The following TOP3A variants were observed in gnomAD, a reference collection of about 807,000 sequenced individuals.
TOP3A encodes DNA topoisomerase III alpha.
TOP3A carries 64 observed loss-of-function variants against 111.3 expected under a neutral mutation model. The observed-to-expected ratio is 0.57, with a 90% CI of 0.47 to 0.71. The LOEUF is 0.71. TOP3A is among the 30% of genes least tolerant of loss of function. The probability of loss-of-function intolerance (pLI) is 0.00; values close to 1 mark genes in which losing one functional copy is unlikely to be tolerated. For synonymous variants in TOP3A, 484 were observed against 485.1 expected, an observed-to-expected ratio of 1.00 and a Z score of 0.03; for missense variants, 1,104 against 1,285.0, an observed-to-expected ratio of 0.86 and a Z score of 2.15.
At position 18,282,695 on chromosome 17, in the gene TOP3A, C is replaced by A; in HGVS notation, c.2021+3G>T. 1 of 1,613,138 alleles carries A rather than the reference C, an allele frequency of 6.2e-7. No individual in the cohort carries two copies. The highest frequency in any genetic ancestry group is 8.5e-7 in the Non-Finnish European group (1 of 1,179,890). ...AGGTGGGGGCAGAAGGCAGCGCACT[C>A]ACCCGCCATTCTTCTTGGTCTTAAG... is the stretch of plus-strand genomic sequence containing the variant. On this transcript the variant is annotated splice_donor_region_variant and intron_variant, in intron 16 of 18. Transcript: ENST00000321105.
At chr17:18,284,781 GAAAA>G (rs112368282) in intron 15 of TOP3A, among the ~76,000 whole-genome samples, 3 of 145,974 alleles carry the variant, frequency 2.1e-5, no homozygotes, top group African/African-American at 5.0e-5. Flanking sequence ...AATTAAAGCA[GAAAA>G]AAAAAAGATA....
Position 18,299,612 on chromosome 17 carries a change from C to G in TOP3A, c.937G>C (p.Glu313Gln). The change falls in exon 9 of 19, where the codon GAG becomes CAG. Residue 313 changes from glutamate to glutamine, a missense_variant. Coordinates refer to ENST00000321105, the MANE Select transcript of TOP3A (RefSeq NM_004618.5). ...TTGCTCTTGGGCTTAGATCTGACCT[C>G]TACCACAGTTGCCATGGGATCCTAG... ...CVEDPMATVV[E>Q]VRSKPKSKWR... 1 of 1,614,112 alleles carries G rather than the reference C, an allele frequency of 6.2e-7. No individual in the cohort carries two copies. Among genetic ancestry groups the G allele is most frequent in the Non-Finnish European group, 8.5e-7 (1 of 1,179,966 alleles).
At chr17:18,296,101 C>G (rs968034249) in intron 9 of TOP3A, among the ~76,000 whole-genome samples, 12 of 152,154 alleles carry the variant, frequency 7.9e-5, no homozygotes, top group African/African-American at 2.9e-4. Context: ...GTCTAATACA[C>G]TGCTTTAACA....
At chr17:18,303,555 G>A (rs575629004) in intron 5 of TOP3A, among the ~76,000 whole-genome samples, 7 of 152,272 alleles carry the variant, frequency 4.6e-5, no homozygotes, top group East Asian at 1.9e-4. Context: ...GAGACATCAC[G>A]GCGGCAATAC....
chr17:18,305,151 C>T lies in TOP3A; in HGVS notation c.460G>A (p.Glu154Lys), dbSNP rs772020353. The change falls in exon 5 of 19, where the codon GAA (glutamate) becomes AAA (lysine). Residue 154 changes from glutamate (E) to lysine (K), a missense_variant. Coordinates refer to ENST00000321105, the MANE Select transcript of TOP3A (RefSeq NM_004618.5). ...TGGATAATCTCAAACCCGATGTTTT[C>T]GCCTTCTCTATCACAGTCAGTCCAG... The part of the protein sequence containing the change: ...VIWTDCDREG[E>K]NIGFEIIHVC... The T allele has an allele frequency of 2.8e-5, 45 of 1,614,072 alleles. No individual in the cohort carries two copies. Among genetic ancestry groups the T allele is most frequent in the Non-Finnish European group, 3.6e-5 (42 of 1,180,036 alleles).
At chr17:18,275,981 G>A (rs1257698261) in intron 18 of TOP3A, among the ~76,000 whole-genome samples, 1 of 152,156 alleles carries the variant, frequency 6.6e-6, no homozygotes, top group Non-Finnish European at 1.5e-5. Context: ...ATACAGCCAT[G>A]TACACCCCAC....
At chr17:18,300,529 T>C (rs903650997) in intron 8 of TOP3A, among the ~76,000 whole-genome samples, 20 of 152,104 alleles carry the variant, frequency 1.3e-4, no homozygotes, top group Non-Finnish European at 2.9e-5. Flanking sequence ...GGCAGGTCTT[T>C]TTATTACTTA....
intron 1 of TOP3A, among the ~76,000 whole-genome samples, chr17:18,310,449 A>G (rs779734138): frequency 1.3e-5 from 2 of 152,072 alleles, no homozygotes; most frequent in Non-Finnish European, 2.9e-5. Context: ...AAAAGGAATG[A>G]AGAACTGATA....
intron 13 of TOP3A, 49 bp from the exon 14 acceptor site, chr17:18,285,569 A>G: frequency 6.4e-7 from 1 of 1,560,998 alleles, no homozygotes; most frequent in Non-Finnish European, 8.8e-7. Context: ...CAACAGCTCC[A>G]CCCGGGTGGC....
rs546588399 is a variant in TOP3A, at chr17:18,277,859, T to C, written c.2643A>G (p.Leu881=). ...CATCACCAGGGTTGCCAAACCCACC[T>C]AGGTGGATCCCTGGGCCTGGTGGGC... ...LGCPPGPGIH[L]GGFGNPGDGS... is the part of the protein sequence containing the mutation. The change falls in exon 18 of 19, where the codon CTA becomes CTG. Residue 881 remains leucine, a synonymous_variant. Transcript: ENST00000321105. 1 of 1,614,054 alleles carries C rather than the reference T, an allele frequency of 6.2e-7. No individual in the cohort carries two copies. The highest frequency in any genetic ancestry group is 2.2e-5 in the East Asian group (1 of 44,886).
intron 6 of TOP3A, 34 bp downstream of exon 6, chr17:18,302,546 T>G: frequency 6.2e-7 from 1 of 1,607,946 alleles, no homozygotes; most frequent in Non-Finnish European, 8.5e-7. Context: ...ACAACATTAA[T>G]GTGGCCATGG....
At chr17:18,309,420 A>G (rs1981774585) in intron 1 of TOP3A, among the ~76,000 whole-genome samples, 1 of 152,146 alleles carries the variant, frequency 6.6e-6, no homozygotes, top group Non-Finnish European at 1.5e-5. Context: ...AGACAGTTGG[A>G]TCACTTTAGG....
Position 18,278,261 on chromosome 17 carries a change from G to GAT in TOP3A, c.2239_2240dup (p.Leu748SerfsTer4). The GAT allele has an allele frequency of 6.4e-7, 1 of 1,564,196 alleles. No individual in the cohort carries two copies. The highest frequency in any genetic ancestry group is 1.9e-5 in the Admixed American group (1 of 53,776). On this transcript the variant is annotated frameshift_variant, in exon 18 of 19. Coordinates refer to ENST00000321105, the MANE Select transcript of TOP3A (RefSeq NM_004618.5). LOFTEE classifies it high-confidence loss of function. ...GGCCCCCTGAAAATCTCAGGTCCAG[G>GAT]ATCTCCCTCAGGGTGTCGTCGCATC... is the stretch of plus-strand genomic sequence containing the variant.
At chr17:18,303,165 T>G (rs1981343860) in intron 5 of TOP3A, 1 of 155,306 alleles carries the variant, frequency 6.4e-6, no homozygotes. Flanking sequence ...GTGCAGGATG[T>G]GCTTTGTTAA....
intron 8 of TOP3A, 53 bp from the exon 9 acceptor site, chr17:18,299,686 A>C: frequency 5.1e-5 from 77 of 1,502,680 alleles, no homozygotes; most frequent in Non-Finnish European, 6.5e-5. Flanking sequence ...CATCATCTCC[A>C]TCCTTCCTAT....
intron 11 of TOP3A, among the ~76,000 whole-genome samples, chr17:18,292,357 G>A (rs982307874): frequency 2.6e-5 from 4 of 152,206 alleles, no homozygotes; most frequent in Non-Finnish European, 5.9e-5. Context: ...AAGGCCACAA[G>A]GCTCACAGTG....
In TOP3A at chr17:18,302,244, A is replaced by C; in HGVS notation, c.814+20T>G. 4 of 1,590,524 alleles carry C rather than the reference A, an allele frequency of 2.5e-6. No homozygotes were observed. Among genetic ancestry groups the C allele is most frequent in the Non-Finnish European group, 3.4e-6 (4 of 1,170,064 alleles). Reference sequence around the variant, plus strand: ...TTGAGCCCATAGGTCCCAGGCCATAACACCCACTCCAGGCCCTACCTTTAA... The same window carrying C: ...TTGAGCCCATAGGTCCCAGGCCATACCACCCACTCCAGGCCCTACCTTTAA... On this transcript the variant is annotated intron_variant, in intron 7 of 18. Coordinates refer to ENST00000321105, the MANE Select transcript of TOP3A (RefSeq NM_004618.5).
intron 1 of TOP3A, among the ~76,000 whole-genome samples, chr17:18,310,390 C>T (rs1337662166): frequency 6.6e-6 from 1 of 152,084 alleles, no homozygotes; most frequent in African/African-American, 2.4e-5. Flanking sequence ...CTCATCACTG[C>T]ACTCCAGCCT....
rs1597981276 is a variant in TOP3A at position 18,302,058 on chromosome 17, T to G, written c.815-73A>C. ...CATGATATGACAGATAGAAAAAGGTTTATTGTGGTGAAAGTCAAACGAATA... is the reference window on the plus strand; with the variant it reads ...CATGATATGACAGATAGAAAAAGGTGTATTGTGGTGAAAGTCAAACGAATA... On this transcript the variant is annotated intron_variant, in intron 7 of 18. Transcript: ENST00000321105. 3.2e-5 allele frequency: 48 copies of G among 1,494,476 alleles called. 1 individual carries two copies. In the East Asian group the frequency reaches 1.1e-3, roughly 35 times the overall value. The allele number at this position is 1,494,476 out of a possible 1,614,324, so 92.6% of individuals were successfully genotyped here.
Sources: allele counts gnomAD v4.1 joint callset (sites outside exome capture counted in the v4.1 genomes callset), GRCh38; gene constraint gnomAD v4.1.1; transcripts MANE v1.5; gene names NCBI Gene and HGNC (gene_info 2026-07-23, HGNC 2026-07-21).